The following AOPEP variants were observed in gnomAD, a reference collection of about 807,000 sequenced individuals.
AOPEP encodes aminopeptidase O.
AOPEP carries 77 observed loss-of-function variants against 98.1 expected under a neutral mutation model. The ratio of observed to expected loss-of-function variants is 0.78; its 90% confidence interval spans 0.65 to 0.95. AOPEP has a LOEUF of 0.95. Among genes scored for constraint, AOPEP ranks in the 40% least tolerant of loss-of-function variants. AOPEP has a pLI of 0.00. For missense variants in AOPEP, 1,024 were observed against 1,024.7 expected, an observed-to-expected ratio of 1.00 and a Z score of 0.01; for synonymous variants, 346 against 365.3, an observed-to-expected ratio of 0.95 and a Z score of 0.60.
chr9:94,920,491 C>T (rs1384305013), intron 5 of AOPEP, among the ~76,000 whole-genome samples: 1 of 152,184 alleles, frequency 6.6e-6, no homozygotes, highest in African/African-American at 2.4e-5. Flanking sequence ...GCAGCAGCAT[C>T]TAGCCAGGGC....
chr9:95,009,843 A>G (rs2132851136), intron 13 of AOPEP, among the ~76,000 whole-genome samples: 1 of 152,228 alleles, frequency 6.6e-6, no homozygotes, highest in South Asian at 2.1e-4. Context: ...ATAAAGATCT[A>G]GAAGGATGGT....
chr9:95,037,340 TAGA>T (rs1351948004), intron 13 of AOPEP, among the ~76,000 whole-genome samples: 2 of 152,222 alleles, frequency 1.3e-5, no homozygotes, highest in Non-Finnish European at 1.5e-5. Flanking sequence ...TGTTCATTGA[TAGA>T]AGATGATAGG....
At chr9:94,888,510 T>C (rs1245703792) in intron 5 of AOPEP, among the ~76,000 whole-genome samples, 1 of 152,156 alleles carries the variant, frequency 6.6e-6, no homozygotes, top group Non-Finnish European at 1.5e-5. Context: ...ATTTCAGCAG[T>C]TATGTTGTAG....
chr9:95,012,495 G>T (rs1318390350), intron 13 of AOPEP, among the ~76,000 whole-genome samples: 2 of 152,170 alleles, frequency 1.3e-5, no homozygotes, highest in Middle Eastern at 3.2e-3. Context: ...TCTTGTGACA[G>T]AATGCTTTAC....
intron 2 of AOPEP, among the ~76,000 whole-genome samples, chr9:94,762,466 A>G (rs936260399): frequency 2.0e-5 from 3 of 151,872 alleles, no homozygotes; most frequent in Admixed American, 6.6e-5. Context: ...AAAAAAAAAA[A>G]GAAATTAAAG....
Position 94,994,255 on chromosome 9 carries a change from C to T in AOPEP, c.1978-10903C>T, listed in dbSNP as rs903210065. ...TAAATGCCTCTAGTCAATTAAGCTG[C>T]AAATGGGTAAATCTAAGAATATGTA... On this transcript the variant is annotated intron_variant, in intron 11 of 16. Coordinates refer to ENST00000375315, the MANE Select transcript of AOPEP (RefSeq NM_001193329.3). Among the ~76,000 whole-genome samples the T allele has an allele frequency of 3.9e-5, 6 of 152,182 alleles. No individual in the cohort carries two copies. In the South Asian group the frequency reaches 1.0e-3, roughly 26 times the overall value.
At chr9:94,818,873 A>AC (rs1487963366) in intron 5 of AOPEP, among the ~76,000 whole-genome samples, 1 of 152,190 alleles carries the variant, frequency 6.6e-6, no homozygotes, top group Non-Finnish European at 1.5e-5. Flanking sequence ...GGGCACCTGT[A>AC]GCCCCAGCCA....
At chr9:94,854,856 C>T (rs942229065) in intron 5 of AOPEP, among the ~76,000 whole-genome samples, 7 of 152,110 alleles carry the variant, frequency 4.6e-5, no homozygotes, top group African/African-American at 1.7e-4. Flanking sequence ...AGGCACCAAA[C>T]GAGCTCTACA....
chr9:95,012,997 G>GA (rs1451983486), intron 13 of AOPEP, among the ~76,000 whole-genome samples: 12 of 130,842 alleles, frequency 9.2e-5, no homozygotes, highest in African/African-American at 3.0e-4. Flanking sequence ...TGGGGGGGGG[G>GA]GCAGGGCGAT....
chr9:95,123,740 T>C, the AOPEP span: 8 of 693,044 alleles, frequency 1.2e-5, no homozygotes, highest in South Asian at 1.1e-4. Context: ...GCTACATTAC[T>C]GTCTGAGTTG....
At position 94,748,570 on chromosome 9, in the gene AOPEP, A is replaced by G. The variant is rs546437370; in HGVS notation, c.-135-11079A>G. The stretch of plus-strand genomic sequence containing the variant: ...ATTAAACTAAAAATGTAGCCCTGGC[A>G]TAATGCTTTTATCTACAGTTTTTCC... On this transcript the variant is annotated intron_variant, in intron 1 of 16. Coordinates refer to ENST00000375315, the MANE Select transcript of AOPEP (RefSeq NM_001193329.3). Among the ~76,000 whole-genome samples the G allele has an allele frequency of 2.0e-5, 3 of 152,338 alleles. No homozygotes were observed. The South Asian group carries it at 6.2e-4, about 32-fold the overall frequency.
chr9:95,096,420 T>G, the AOPEP span, among the ~76,000 whole-genome samples: 211 of 151,346 alleles, frequency 1.4e-3, no homozygotes, highest in Non-Finnish European at 2.6e-3. Flanking sequence ...ATCGGCAACA[T>G]GGGGAGCTGG....
chr9:94,728,239 G>GCGCGCGCGCGCACACACA lies in AOPEP; in HGVS notation c.-136+1489_-136+1490insGCGCGCGCGCACACACAC, dbSNP rs113657409. 4.4e-4 allele frequency among the ~76,000 whole-genome samples: 65 copies of GCGCGCGCGCGCACACACA among 146,606 alleles called. 1 individual carries two copies. Among genetic ancestry groups the GCGCGCGCGCGCACACACA allele is most frequent in the Non-Finnish European group, 5.4e-4 (36 of 66,334 alleles). On this transcript the variant is annotated intron_variant, in intron 1 of 16. Transcript: ENST00000375315. The stretch of plus-strand genomic sequence containing the variant: ...TGTGATCCTTCCTGCGTGCGCGCAT[G>GCGCGCGCGCGCACACACA]CACACACACACACACACACACACAC...
the AOPEP span, among the ~76,000 whole-genome samples, chr9:95,140,492 A>AAAAC: frequency 7.2e-5 from 11 of 152,148 alleles, no homozygotes; most frequent in African/African-American, 1.7e-4. Context: ...AAAACAAAAC[A>AAAAC]AAACAAAACC....
chr9:95,093,632 T>TC, the AOPEP span, among the ~76,000 whole-genome samples: 1 of 152,314 alleles, frequency 6.6e-6, no homozygotes, highest in East Asian at 1.9e-4. Context: ...GCTAGTCTCT[T>TC]CCCCAAATCA....
At chr9:95,107,152 C>G in the AOPEP span, 1 of 1,614,222 alleles carries the variant, frequency 6.2e-7, no homozygotes. Flanking sequence ...AGCTGTTGTG[C>G]AGGAGCTCTG....
intron 5 of AOPEP, among the ~76,000 whole-genome samples, chr9:94,902,676 C>CTG (rs898022553): frequency 5.9e-5 from 9 of 151,982 alleles, no homozygotes; most frequent in African/African-American, 1.7e-4. Context: ...TAGAAATATG[C>CTG]TGTGTGTGTG....
intron 1 of AOPEP, among the ~76,000 whole-genome samples, chr9:94,751,743 TC>T (rs1835828791): frequency 6.6e-6 from 1 of 151,600 alleles, no homozygotes; most frequent in Non-Finnish European, 1.5e-5. Flanking sequence ...CATGAAAATT[TC>T]TTTTTTTTTT....
chr9:94,810,962 C>T (rs1198159860), intron 5 of AOPEP, among the ~76,000 whole-genome samples: 1 of 152,216 alleles, frequency 6.6e-6, no homozygotes, highest in East Asian at 1.9e-4. Context: ...TGAAGGCCTT[C>T]TTCCTTCAGC....
Sources: gnomAD v4.1 joint callset for allele counts (sites outside exome capture counted in the v4.1 genomes callset) on GRCh38, gnomAD v4.1.1 for gene constraint, MANE v1.5 for transcripts, NCBI Gene and HGNC (gene_info 2026-07-23, HGNC 2026-07-21) for gene names.